The following RCAN2 variants were observed in gnomAD, a reference collection of about 807,000 sequenced individuals.
The protein encoded by RCAN2 is calcipressin-2.
In RCAN2, 9 loss-of-function variants were observed where a neutral mutation model predicts 23.6. That is an observed-to-expected ratio of 0.38 (90% CI 0.23 to 0.67). The LOEUF (loss-of-function observed/expected upper bound fraction) is 0.67. RCAN2 is among the 30% of genes least tolerant of loss of function. RCAN2 has a pLI of 0.51. For synonymous variants in RCAN2, 109 were observed against 115.7 expected, an observed-to-expected ratio of 0.94 and a Z score of 0.37; for missense variants, 273 against 302.3, an observed-to-expected ratio of 0.90 and a Z score of 0.72.
chr6:46,339,708 C>A (rs1328195526), intron 2 of RCAN2, among the ~76,000 whole-genome samples: 2 of 152,106 alleles, frequency 1.3e-5, no homozygotes, highest in Non-Finnish European at 2.9e-5. Flanking sequence ...CCTTTTAAAT[C>A]CATTCTGCAA....
chr6:46,459,770 G>A (rs1040001982), intron 1 of RCAN2, among the ~76,000 whole-genome samples: 1 of 152,042 alleles, frequency 6.6e-6, no homozygotes, highest in South Asian at 2.1e-4. Context: ...GGGAGGCAGG[G>A]GAATGAAACA....
intron 1 of RCAN2, among the ~76,000 whole-genome samples, chr6:46,457,704 A>T (rs1173728356): frequency 6.6e-6 from 1 of 152,194 alleles, no homozygotes; most frequent in Non-Finnish European, 1.5e-5. Context: ...TCTGACTGAG[A>T]TAATTACTTC....
intron 2 of RCAN2, among the ~76,000 whole-genome samples, chr6:46,435,456 A>T (rs890450810): frequency 1.3e-5 from 2 of 152,176 alleles, no homozygotes; most frequent in Non-Finnish European, 2.9e-5. Flanking sequence ...TATTTTAAAA[A>T]CCATATTCAG....
Position 46,295,426 on chromosome 6 carries a change from G to A in RCAN2, c.226-46530C>T, listed in dbSNP as rs963765985. 6.6e-5 allele frequency among the ~76,000 whole-genome samples: 10 copies of A among 152,234 alleles called. No homozygotes were observed. The East Asian group carries it at 1.7e-3, about 27-fold the overall frequency. On this transcript the variant is annotated intron_variant, in intron 2 of 4. Transcript: ENST00000371374. ...GATGAAGAAAGAGAAGATGAGAATG[G>A]AGATGAGTAGTAGCTGGAGAACAGA... is the stretch of plus-strand genomic sequence containing the variant.
chr6:46,408,814 G>T (rs1407216078), intron 2 of RCAN2, among the ~76,000 whole-genome samples: 5 of 152,166 alleles, frequency 3.3e-5, no homozygotes, highest in Admixed American at 3.3e-4. Context: ...TCCAACAGGA[G>T]ATAGTTTGGC....
intron 2 of RCAN2, among the ~76,000 whole-genome samples, chr6:46,281,763 T>C (rs1287440433): frequency 6.6e-6 from 1 of 152,210 alleles, no homozygotes; most frequent in Non-Finnish European, 1.5e-5. Flanking sequence ...TTGGGCATTG[T>C]TCCAAAGATA....
At chr6:46,282,392 A>AG (rs1232441952) in intron 2 of RCAN2, among the ~76,000 whole-genome samples, 3 of 151,888 alleles carry the variant, frequency 2.0e-5, no homozygotes, top group Non-Finnish European at 4.4e-5. Context: ...AAAAAAAAAA[A>AG]ACAAAAAATT....
intron 2 of RCAN2, among the ~76,000 whole-genome samples, chr6:46,300,917 A>G (rs770751347): frequency 2.0e-5 from 3 of 152,014 alleles, no homozygotes; most frequent in Non-Finnish European, 4.4e-5. Flanking sequence ...CAAAAGAGAT[A>G]GGTTATCTAA....
intron 2 of RCAN2, among the ~76,000 whole-genome samples, chr6:46,262,304 T>C (rs1767135295): frequency 6.6e-6 from 1 of 152,162 alleles, no homozygotes; most frequent in Non-Finnish European, 1.5e-5. Flanking sequence ...ACAAGCACTA[T>C]GTTCTCTGGA....
intron 2 of RCAN2, among the ~76,000 whole-genome samples, chr6:46,339,697 C>T (rs892197761): frequency 6.6e-6 from 1 of 152,066 alleles, no homozygotes; most frequent in Non-Finnish European, 1.5e-5. Context: ...TCAATTTCAC[C>T]CCTTTTAAAT....
chr6:46,285,444 AGCAAT>A (rs1762342865), intron 2 of RCAN2, among the ~76,000 whole-genome samples: 1 of 152,204 alleles, frequency 6.6e-6, no homozygotes, highest in Admixed American at 6.5e-5. Flanking sequence ...GAGAGCTGTT[AGCAAT>A]GGCAATTGCA....
chr6:46,264,703 G>GAA (rs1003290457), intron 2 of RCAN2, among the ~76,000 whole-genome samples: 4 of 151,926 alleles, frequency 2.6e-5, no homozygotes, highest in African/African-American at 9.7e-5. Context: ...TATCATGGCT[G>GAA]AAGTGGATTT....
intron 2 of RCAN2, among the ~76,000 whole-genome samples, chr6:46,435,603 C>T (rs1355512811): frequency 6.6e-6 from 1 of 152,164 alleles, no homozygotes; most frequent in Non-Finnish European, 1.5e-5. Flanking sequence ...GAATGAAGCA[C>T]CCGCAGAGGA....
intron 2 of RCAN2, among the ~76,000 whole-genome samples, chr6:46,428,493 A>G (rs995978983): frequency 6.6e-5 from 10 of 152,232 alleles, no homozygotes. Flanking sequence ...AACTCAATAA[A>G]TATCTGCTAA....
At chr6:46,468,984 A>C (rs12523940) in intron 1 of RCAN2, 1 of 213,908 alleles carries the variant, frequency 4.7e-6, no homozygotes, top group Admixed American at 6.5e-5. Context: ...GTTACTTTTA[A>C]AACCCTTCCC....
Position 46,372,033 on chromosome 6 carries a change from C to A in RCAN2, c.225+84719G>T, listed in dbSNP as rs764613809. 2.0e-5 allele frequency among the ~76,000 whole-genome samples: 3 copies of A among 152,202 alleles called. No individual in the cohort carries two copies. The South Asian group carries it at 6.2e-4, about 32-fold the overall frequency. ...ACCAAATGGGCTGAACCATCATATG[C>A]ATGGCCCAGAACCAGGGTTGGACAG... On this transcript the variant is annotated intron_variant, in intron 2 of 4. Coordinates refer to ENST00000371374, the MANE Select transcript of RCAN2 (RefSeq NM_001251974.2).
chr6:46,330,415 C>A (rs1237981205), intron 2 of RCAN2, among the ~76,000 whole-genome samples: 2 of 152,362 alleles, frequency 1.3e-5, no homozygotes, highest in African/African-American at 4.8e-5. Context: ...TATTTTGCAG[C>A]AGGTGCCTGG....
At chr6:46,415,235 C>T (rs904953773) in intron 2 of RCAN2, among the ~76,000 whole-genome samples, 1 of 152,122 alleles carries the variant, frequency 6.6e-6, no homozygotes, top group African/African-American at 2.4e-5. Context: ...ACGGCGGAAC[C>T]AGGGCACTAG....
At chr6:46,264,614 T>G (rs1767257925) in intron 2 of RCAN2, among the ~76,000 whole-genome samples, 1 of 152,210 alleles carries the variant, frequency 6.6e-6, no homozygotes, top group African/African-American at 2.4e-5. Context: ...CAAAAATGAT[T>G]GTTTCAACCC....
Sources: gnomAD v4.1 joint callset for allele counts (sites outside exome capture counted in the v4.1 genomes callset) on GRCh38, gnomAD v4.1.1 for gene constraint, MANE v1.5 for transcripts, NCBI Gene and HGNC (gene_info 2026-07-23, HGNC 2026-07-21) for gene names.